The following PLD1 variants were observed in gnomAD, a reference collection of about 807,000 sequenced individuals.
The protein encoded by PLD1 is phospholipase D1.
A neutral mutation model predicts 137.1 loss-of-function variants in PLD1; 112 were observed. The observed-to-expected ratio is 0.82, with a 90% CI of 0.70 to 0.96. The LOEUF is 0.96. Ranked by LOEUF, PLD1 falls within the 40% of genes least tolerant of loss-of-function variation. PLD1 has a pLI of 0.00. For missense variants in PLD1, 1,321 were observed against 1,342.0 expected (o/e 0.98, Z 0.24); for synonymous variants, 431 against 454.7 (o/e 0.95, Z 0.66).
Position 171,784,370 on chromosome 3 carries a change from G to GA in PLD1, c.-32+26028dup, listed in dbSNP as rs768555721. 6.6e-3 allele frequency among the ~76,000 whole-genome samples: 876 copies of GA among 132,868 alleles called. 1 individual carries two copies. Among genetic ancestry groups the GA allele is most frequent in the African/African-American group, 0.019 (688 of 37,156 alleles). The allele number at this position is 132,868 out of a possible 152,430, so 87.2% of individuals were successfully genotyped here. Reference sequence around the variant, plus strand: ...CACTAAGTCACCTCATTCTCAGAAGGAAAAAAAAAAAAAAGACAGTAGCAC... The same window carrying GA: ...CACTAAGTCACCTCATTCTCAGAAGGAAAAAAAAAAAAAAAGACAGTAGCAC... On this transcript the variant is annotated intron_variant, in intron 1 of 26. Transcript: ENST00000351298.
intron 9 of PLD1, 66 bp downstream of exon 9, chr3:171,713,827 G>A: frequency 7.3e-7 from 1 of 1,372,620 alleles, no homozygotes; most frequent in South Asian, 1.2e-5. Flanking sequence ...TTTTACTTAA[G>A]GTTGAGAAAA....
intron 19 of PLD1, among the ~76,000 whole-genome samples, chr3:171,666,657 G>C (rs1254784791): frequency 6.6e-6 from 1 of 151,908 alleles, no homozygotes; most frequent in East Asian, 1.9e-4. Context: ...AACTTGTCTT[G>C]CATTTCTGTT....
chr3:171,806,332 T>C (rs1001402813), intron 1 of PLD1, among the ~76,000 whole-genome samples: 6 of 152,200 alleles, frequency 3.9e-5, no homozygotes, highest in African/African-American at 1.4e-4. Context: ...GGGGTCCAGA[T>C]TTTACACTGC....
At chr3:171,808,129 C>T (rs567680849) in intron 1 of PLD1, among the ~76,000 whole-genome samples, 1 of 152,276 alleles carries the variant, frequency 6.6e-6, no homozygotes, top group East Asian at 1.9e-4. Flanking sequence ...ACTATGCTCA[C>T]CACCTGGGTG....
chr3:171,666,735 C>T (rs867210446), intron 19 of PLD1, among the ~76,000 whole-genome samples: 2 of 152,146 alleles, frequency 1.3e-5, no homozygotes, highest in Non-Finnish European at 2.9e-5. Context: ...CTTATCTTAC[C>T]GTCCCAAATG....
chr3:171,669,938 T>C (rs1712571454), intron 19 of PLD1, among the ~76,000 whole-genome samples: 2 of 152,268 alleles, frequency 1.3e-5, no homozygotes, highest in Non-Finnish European at 2.9e-5. Flanking sequence ...AGTCTGGCTC[T>C]AGAATCTATC....
chr3:171,791,243 A>T (rs1319139799), intron 1 of PLD1, among the ~76,000 whole-genome samples: 1 of 152,202 alleles, frequency 6.6e-6, no homozygotes, highest in Admixed American at 6.5e-5. Flanking sequence ...AAAACCTCAC[A>T]CTAGCCTATC....
chr3:171,763,126 C>G (rs758115826), intron 1 of PLD1, among the ~76,000 whole-genome samples: 1 of 152,060 alleles, frequency 6.6e-6, no homozygotes, highest in Non-Finnish European at 1.5e-5. Flanking sequence ...AGTCTCATGC[C>G]CCAGTGTGAG....
At chr3:171,802,167 G>C (rs1578487082) in intron 1 of PLD1, among the ~76,000 whole-genome samples, 1 of 152,286 alleles carries the variant, frequency 6.6e-6, no homozygotes, top group Admixed American at 6.5e-5. Flanking sequence ...ACTTGGAAAG[G>C]TAGTCATTCA....
intron 12 of PLD1, among the ~76,000 whole-genome samples, chr3:171,693,202 C>A (rs1715369971): frequency 6.6e-6 from 1 of 152,172 alleles, no homozygotes; most frequent in South Asian, 2.1e-4. Context: ...ATCAAAAAGA[C>A]AATGTCCAAT....
chr3:171,601,927 C>T lies in PLD1; in HGVS notation c.*1151G>A, dbSNP rs1731856103. The stretch of plus-strand genomic sequence containing the variant: ...GGGCATTGTAACTTCACTGGAAGCC[C>T]TGGTGAGAGGCGTTAATACATATTT... On this transcript the variant is annotated 3_prime_UTR_variant, in exon 27 of 27. Transcript: ENST00000351298. 6.6e-6 allele frequency: 1 copy of T among 152,106 alleles called. No individual in the cohort carries two copies. Among genetic ancestry groups the T allele is most frequent in the African/African-American group, 2.4e-5 (1 of 41,426 alleles). The allele number at this position is 152,106 out of a possible 1,614,324, so 9.4% of individuals were successfully genotyped here. A position where few individuals can be genotyped will look rare whatever the true frequency, so the allele number is the denominator to read the frequency against.
intron 21 of PLD1, among the ~76,000 whole-genome samples, chr3:171,649,651 C>A (rs1736556838): frequency 2.6e-5 from 4 of 152,180 alleles, no homozygotes; most frequent in Admixed American, 2.6e-4. Flanking sequence ...GCTTTTGGGG[C>A]TAGTGGGCAC....
Position 171,714,063 on chromosome 3 carries a change from G to C in PLD1, c.759-18C>G, listed in dbSNP as rs765853194. ...TTAACCATCTGTAAGAAGGTAGTAA[G>C]TATTTTTAAAAGTTGCATTGAGTAA... On this transcript the variant is annotated intron_variant, in intron 8 of 26. Coordinates refer to ENST00000351298, the MANE Select transcript of PLD1 (RefSeq NM_002662.5). 1.5e-5 allele frequency: 23 copies of C among 1,536,724 alleles called. 1 individual carries two copies. Among genetic ancestry groups the C allele is most frequent in the Middle Eastern group, 1.7e-4 (1 of 5,892 alleles).
chr3:171,772,554 T>A (rs1310164922), intron 1 of PLD1, among the ~76,000 whole-genome samples: 1 of 152,064 alleles, frequency 6.6e-6, no homozygotes, highest in Non-Finnish European at 1.5e-5. Context: ...CACCATAGAA[T>A]GAGGGGGCAA....
intron 12 of PLD1, among the ~76,000 whole-genome samples, chr3:171,696,983 A>G (rs1040169384): frequency 6.6e-5 from 10 of 152,226 alleles, no homozygotes; most frequent in African/African-American, 2.4e-4. Flanking sequence ...AAAAAAGTAA[A>G]GAGAAGTCAC....
chr3:171,710,096 T>G (rs1717042442), intron 9 of PLD1, among the ~76,000 whole-genome samples: 1 of 152,088 alleles, frequency 6.6e-6, no homozygotes, highest in Non-Finnish European at 1.5e-5. Context: ...GGAGTCTCGC[T>G]CTGTCGCCCA....
intron 1 of PLD1, among the ~76,000 whole-genome samples, chr3:171,746,172 C>T (rs113664937): frequency 0.012 from 1,853 of 152,324 alleles, 34 homozygotes; most frequent in African/African-American, 0.042. Flanking sequence ...CTCCCCTCCG[C>T]GGGCTCCCGC....
chr3:171,766,434 C>T (rs1334685308), intron 1 of PLD1, among the ~76,000 whole-genome samples: 1 of 151,986 alleles, frequency 6.6e-6, no homozygotes, highest in Non-Finnish European at 1.5e-5. Flanking sequence ...GGTGATCATC[C>T]GTTCTATTGT....
intron 1 of PLD1, among the ~76,000 whole-genome samples, chr3:171,777,348 T>C (rs1001087385): frequency 9.2e-5 from 14 of 152,180 alleles, no homozygotes; most frequent in Non-Finnish European, 1.6e-4. Context: ...AGCACACCCA[T>C]CCGCTGTAGG....
Sources: gnomAD v4.1 joint callset for allele counts (sites outside exome capture counted in the v4.1 genomes callset) on GRCh38, gnomAD v4.1.1 for gene constraint, MANE v1.5 for transcripts, NCBI Gene and HGNC (gene_info 2026-07-23, HGNC 2026-07-21) for gene names.